TMCO4: variants seen among roughly 807,000 people sequenced by gnomAD.
TMCO4 encodes transmembrane and coiled-coil domain-containing protein 4.
In TMCO4, 58 loss-of-function variants were observed where a neutral mutation model predicts 64.7. The ratio of observed to expected loss-of-function variants is 0.90; its 90% CI spans 0.73 to 1.12. The LOEUF is 1.12. TMCO4 is among the 50% of genes most tolerant of loss of function. The pLI is 0.00. For missense variants in TMCO4, 780 were observed against 825.9 expected (o/e 0.94, Z 0.68); for synonymous variants, 325 against 346.1 (o/e 0.94, Z 0.68).
chr1:19,729,604 A>C (rs535506764), intron 13 of TMCO4, among the ~76,000 whole-genome samples: 3 of 151,936 alleles, frequency 2.0e-5, no homozygotes, highest in Admixed American at 2.0e-4. Flanking sequence ...CGTCTCTACC[A>C]AAAATACAAA....
At chr1:19,747,897 C>T (rs759027335) in intron 7 of TMCO4, among the ~76,000 whole-genome samples, 2 of 152,152 alleles carry the variant, frequency 1.3e-5, no homozygotes, top group Non-Finnish European at 2.9e-5. Flanking sequence ...CAGCCCTGAG[C>T]CCCTTTGCTG....
chr1:19,749,152 G>A (rs1016384050), intron 7 of TMCO4, among the ~76,000 whole-genome samples: 7 of 152,230 alleles, frequency 4.6e-5, no homozygotes, highest in African/African-American at 1.7e-4. Flanking sequence ...CATCAAGATC[G>A]AGGGTTCTAA....
At chr1:19,748,892 G>T (rs549164354) in intron 7 of TMCO4, among the ~76,000 whole-genome samples, 82 of 152,320 alleles carry the variant, frequency 5.4e-4, no homozygotes, top group African/African-American at 1.7e-3. Flanking sequence ...TGGGATTTCA[G>T]TTGGGCATCT....
At chr1:19,703,140 G>C (rs2095283253) in intron 13 of TMCO4, among the ~76,000 whole-genome samples, 1 of 152,156 alleles carries the variant, frequency 6.6e-6, no homozygotes, top group African/African-American at 2.4e-5. Context: ...ATGAATGAAT[G>C]AATCAGTAAA....
At chr1:19,759,604 C>A (rs2042411556) in intron 6 of TMCO4, among the ~76,000 whole-genome samples, 1 of 152,226 alleles carries the variant, frequency 6.6e-6, no homozygotes, top group Admixed American at 6.5e-5. Flanking sequence ...TGCCTCGGGG[C>A]CTTTGCACTC....
At chr1:19,781,227 G>A (rs1013287837) in intron 3 of TMCO4, among the ~76,000 whole-genome samples, 4 of 150,980 alleles carry the variant, frequency 2.6e-5, no homozygotes, top group Non-Finnish European at 5.9e-5. Context: ...TTTGGAAGCC[G>A]AGGTAGGAGG....
Position 19,745,593 on chromosome 1 carries a change from C to T in TMCO4, c.816G>A (p.Thr272=), listed in dbSNP as rs1387444840. ...TGGTGATGTGCAGCTGCCTGCCCTC[C>T]GTCAGAGGCAGAAACGTGAACTCTT... ...AIEEFTFLPL[T]EGRQLHITIA... is the part of the protein sequence containing the mutation. Residue 272 remains threonine (T), a synonymous_variant, in exon 10 of 16, where the codon ACG becomes ACA. Transcript: ENST00000294543. 12 of 1,613,998 alleles carry T rather than the reference C, an allele frequency of 7.4e-6. No homozygotes were observed. Among genetic ancestry groups the T allele is most frequent in the Middle Eastern group, 1.6e-4 (1 of 6,084 alleles).
At chr1:19,740,688 G>C in intron 11 of TMCO4, 89 bp downstream of exon 11, 1 of 1,448,258 alleles carries the variant, frequency 6.9e-7, no homozygotes, top group Non-Finnish European at 9.4e-7. Flanking sequence ...CCTGCCCTGG[G>C]GGCTTTGGGC....
intron 13 of TMCO4, among the ~76,000 whole-genome samples, chr1:19,706,404 T>C (rs1047977170): frequency 7.2e-5 from 11 of 152,196 alleles, no homozygotes; most frequent in Middle Eastern, 3.2e-3. Flanking sequence ...TGCTGAAACA[T>C]GTTTGGGATT....
At chr1:19,758,073 T>C (rs2042342697) in intron 6 of TMCO4, among the ~76,000 whole-genome samples, 1 of 152,212 alleles carries the variant, frequency 6.6e-6, no homozygotes, top group South Asian at 2.1e-4. Context: ...AGTTCTGGTA[T>C]AGGGGACCCT....
At chr1:19,797,906 G>C (rs1309531316) in intron 2 of TMCO4, among the ~76,000 whole-genome samples, 2 of 142,082 alleles carry the variant, frequency 1.4e-5, no homozygotes, top group Non-Finnish European at 3.0e-5. Context: ...GAGAGAGGGA[G>C]GGAGAGAGGG....
intron 4 of TMCO4, among the ~76,000 whole-genome samples, chr1:19,774,000 G>T (rs1456372343): frequency 6.6e-6 from 1 of 152,180 alleles, no homozygotes; most frequent in African/African-American, 2.4e-5. Flanking sequence ...GATAATAACA[G>T]GACCTGCCTC....
intron 7 of TMCO4, 134 bp from the exon 8 acceptor site, chr1:19,747,394 C>T: frequency 1.3e-6 from 1 of 766,886 alleles, no homozygotes; most frequent in East Asian, 2.5e-5. Flanking sequence ...ACCAAAGTCA[C>T]CTTGAGCCCA....
At chr1:19,796,558 C>T (rs2044317519) in intron 2 of TMCO4, among the ~76,000 whole-genome samples, 1 of 151,950 alleles carries the variant, frequency 6.6e-6, no homozygotes, top group African/African-American at 2.4e-5. Context: ...CTAACCCAAC[C>T]CTTTGTGATT....
chr1:19,755,658 T>G lies in TMCO4; in HGVS notation c.491A>C (p.Lys164Thr). 6.2e-7 allele frequency: 1 copy of G among 1,614,138 alleles called. No homozygotes were observed. The highest frequency in any genetic ancestry group is 8.5e-7 in the Non-Finnish European group (1 of 1,179,998). ...VLEEMFLESL[K>T]EIKEEESEMA... ...CTCAGATTCCTCTTCTTTGATTTCC[T>G]TCAGGCTCTCCAGGAACATCTCTTC... Residue 164 changes from lysine (K) to threonine (T), a missense_variant, in exon 7 of 16, where the codon AAG (lysine) becomes ACG (threonine). Lys to Thr is a moderately conservative substitution (Grantham distance 78, BLOSUM62 -1). Transcript: ENST00000294543.
intron 13 of TMCO4, 40 bp from the exon 14 acceptor site, chr1:19,700,925 CCA>C (rs750770615): frequency 7.7e-6 from 12 of 1,566,074 alleles, no homozygotes. Flanking sequence ...GTGTCCCTGG[CCA>C]CATTGGGTGC....
chr1:19,789,585 T>C (rs115431045), intron 2 of TMCO4, among the ~76,000 whole-genome samples: 2,309 of 152,300 alleles, frequency 0.015, 55 homozygotes, highest in African/African-American at 0.053. Context: ...ATGAGCTTAT[T>C]GGTGCTTTTA....
At chr1:19,772,065 C>G (rs1031331938) in intron 4 of TMCO4, among the ~76,000 whole-genome samples, 7 of 152,178 alleles carry the variant, frequency 4.6e-5, no homozygotes, top group African/African-American at 1.7e-4. Context: ...TGCCTTGGGC[C>G]TGGGCTGTGC....
rs915530724 is a variant in TMCO4, at chr1:19,770,581, G to T, written c.355-12C>A. Reference sequence around the variant, plus strand: ...AAGCTCAGAAGGTCCTGAGGGAGAAGACAACAGGCATCAATGACAAAGCTG... The same window carrying T: ...AAGCTCAGAAGGTCCTGAGGGAGAATACAACAGGCATCAATGACAAAGCTG... On this transcript the variant is annotated splice_polypyrimidine_tract_variant and intron_variant, in intron 5 of 15. Coordinates refer to ENST00000294543, the MANE Select transcript of TMCO4 (RefSeq NM_181719.7). 8 of 1,611,592 alleles carry T rather than the reference G, an allele frequency of 5.0e-6. No individual in the cohort carries two copies. The highest frequency in any genetic ancestry group is 5.9e-6 in the Non-Finnish European group (7 of 1,179,176).
Sources: gnomAD v4.1 joint callset for allele counts (sites outside exome capture counted in the v4.1 genomes callset) on GRCh38, gnomAD v4.1.1 for gene constraint, MANE v1.5 for transcripts, NCBI Gene and HGNC (gene_info 2026-07-23, HGNC 2026-07-21) for gene names.